Variants in ATP10B observed in about 807,000 individuals in gnomAD.
ATP10B encodes phospholipid-transporting ATPase VB.
ATP10B carries 122 observed loss-of-function variants against 141.2 expected under a neutral mutation model. The observed-to-expected ratio is 0.86, with a 90% CI of 0.75 to 1.00. ATP10B has a LOEUF of 1.00. Among genes scored for constraint, ATP10B ranks in the 50% least tolerant of loss-of-function variants. The probability of loss-of-function intolerance (pLI) is 0.00; values close to 1 mark genes in which losing one functional copy is unlikely to be tolerated. For missense variants in ATP10B, 1,876 were observed against 1,825.3 expected (o/e 1.03, Z -0.51); for synonymous variants, 685 against 692.0 (o/e 0.99, Z 0.16).
chr5:160,855,708 T>A (rs1196287038), upstream of ATP10B, among the ~76,000 whole-genome samples: 12 of 151,906 alleles, frequency 7.9e-5, no homozygotes, highest in African/African-American at 2.7e-4. Flanking sequence ...TCTCTAAAAA[T>A]TTTATAATTT....
rs575239058 is a variant in ATP10B at position 160,790,235 on chromosome 5, C to T, written c.-575-4432G>A. 2.0e-5 allele frequency among the ~76,000 whole-genome samples: 3 copies of T among 152,204 alleles called. No individual in the cohort carries two copies. The East Asian group carries it at 5.8e-4, about 29-fold the overall frequency. On this transcript the variant is annotated intron_variant, in intron 1 of 25. Transcript: ENST00000327245. Reference sequence around the variant, plus strand: ...TGAAATTACTGCCTTGGGTATGATACATGTATTTTCCAATCCTATCCTCAA... The same window carrying T: ...TGAAATTACTGCCTTGGGTATGATATATGTATTTTCCAATCCTATCCTCAA...
intron 7 of ATP10B, among the ~76,000 whole-genome samples, chr5:160,663,861 A>C (rs1210537510): frequency 6.6e-6 from 1 of 152,230 alleles, no homozygotes; most frequent in Non-Finnish European, 1.5e-5. Context: ...ATCTGAGCTC[A>C]GTTAACCTAG....
chr5:160,817,395 T>A (rs1773723942), intron 1 of ATP10B, among the ~76,000 whole-genome samples: 1 of 152,114 alleles, frequency 6.6e-6, no homozygotes, highest in South Asian at 2.1e-4. Context: ...TGAACTCCCA[T>A]TCACAATTGC....
At chr5:160,595,964 C>A (rs994271642) in intron 22 of ATP10B, among the ~76,000 whole-genome samples, 5 of 152,086 alleles carry the variant, frequency 3.3e-5, no homozygotes, top group Non-Finnish European at 5.9e-5. Context: ...ACCAGAGGTA[C>A]AAGAAGGAAG....
chr5:160,750,800 T>C (rs1490630263), intron 2 of ATP10B, among the ~76,000 whole-genome samples: 1 of 152,150 alleles, frequency 6.6e-6, no homozygotes, highest in African/African-American at 2.4e-5. Flanking sequence ...CCCTAAGCCC[T>C]CTCAAGCTCC....
intron 1 of ATP10B, among the ~76,000 whole-genome samples, chr5:160,820,118 A>C (rs1202625278): frequency 6.6e-6 from 1 of 150,516 alleles, no homozygotes; most frequent in Admixed American, 6.7e-5. Context: ...AATAAACAAC[A>C]TTGACCAATC....
At chr5:160,658,631 C>A (rs541562996) in intron 7 of ATP10B, among the ~76,000 whole-genome samples, 3 of 152,294 alleles carry the variant, frequency 2.0e-5, no homozygotes, top group East Asian at 3.9e-4. Flanking sequence ...CCAGGCCAGG[C>A]AGTACGTTTC....
At chr5:160,663,396 C>T (rs1036256689) in intron 7 of ATP10B, among the ~76,000 whole-genome samples, 5 of 152,056 alleles carry the variant, frequency 3.3e-5, no homozygotes, top group Admixed American at 2.0e-4. Context: ...ACCCAAATGC[C>T]CAACAATGAT....
chr5:160,603,735 A>C, intron 20 of ATP10B: 1 of 516,464 alleles, frequency 1.9e-6, no homozygotes, highest in Non-Finnish European at 3.5e-6. Flanking sequence ...TAAATGGGAA[A>C]ATTTAGCAGT....
chr5:160,645,391 A>G (rs1760204674), intron 8 of ATP10B, among the ~76,000 whole-genome samples: 2 of 152,176 alleles, frequency 1.3e-5, no homozygotes, highest in African/African-American at 4.8e-5. Flanking sequence ...AGAATGGTAA[A>G]GTAAGGAAGG....
At chr5:160,731,293 A>G (rs1473913453) in intron 2 of ATP10B, among the ~76,000 whole-genome samples, 1 of 152,192 alleles carries the variant, frequency 6.6e-6, no homozygotes, top group Non-Finnish European at 1.5e-5. Context: ...GTCCTGACCC[A>G]ATCTTCTGTC....
chr5:160,702,505 T>C (rs1245637767), intron 3 of ATP10B, among the ~76,000 whole-genome samples: 1 of 152,238 alleles, frequency 6.6e-6, no homozygotes, highest in African/African-American at 2.4e-5. Context: ...GCAATTTCAC[T>C]TGGGATCTCC....
At chr5:160,643,536 G>A (rs564764432) in intron 9 of ATP10B, among the ~76,000 whole-genome samples, 8 of 152,240 alleles carry the variant, frequency 5.3e-5, no homozygotes, top group Non-Finnish European at 7.4e-5. Context: ...TGTGAGAAGC[G>A]CTGCTATTAT....
chr5:160,693,942 A>G (rs1176452454), intron 3 of ATP10B, among the ~76,000 whole-genome samples: 1 of 152,214 alleles, frequency 6.6e-6, no homozygotes, highest in African/African-American at 2.4e-5. Flanking sequence ...CTCCTGGTGT[A>G]GAGTACATGG....
chr5:160,748,647 G>A (rs1257509066), intron 2 of ATP10B, among the ~76,000 whole-genome samples: 1 of 152,172 alleles, frequency 6.6e-6, no homozygotes, highest in African/African-American at 2.4e-5. Flanking sequence ...AAGTGATGCT[G>A]GCTGAGATTT....
intron 1 of ATP10B, among the ~76,000 whole-genome samples, chr5:160,836,829 C>T (rs1045304592): frequency 7.2e-5 from 11 of 152,078 alleles, no homozygotes; most frequent in African/African-American, 2.7e-4. Context: ...AGTCTCTATC[C>T]ATTTTTTCCT....
At chr5:160,880,309 C>A in the ATP10B span, among the ~76,000 whole-genome samples, 595 of 148,382 alleles carry the variant, frequency 4.0e-3, 4 homozygotes, top group African/African-American at 0.014. Context: ...AAGGAAAAAT[C>A]AAATAAATGA....
chr5:160,842,073 G>A (rs940691864), intron 1 of ATP10B, among the ~76,000 whole-genome samples: 2 of 152,126 alleles, frequency 1.3e-5, no homozygotes, highest in African/African-American at 4.8e-5. Context: ...TAGGCCACAG[G>A]CTAGCCATAA....
At position 160,833,164 on chromosome 5, in the gene ATP10B, C is replaced by G. The variant is rs556908498; in HGVS notation, c.-576+18777G>C. Among the ~76,000 whole-genome samples, 3 of 152,208 alleles carry G rather than the reference C, an allele frequency of 2.0e-5. No homozygotes were observed. The East Asian group carries it at 5.8e-4, about 29-fold the overall frequency. On this transcript the variant is annotated intron_variant, in intron 1 of 25. Transcript: ENST00000327245. ...GAAAACTGTTTACAGAACTAGAGAGCAGAGAGAAAATATACTACCTCAAAA... is the reference window on the plus strand; with the variant it reads ...GAAAACTGTTTACAGAACTAGAGAGGAGAGAGAAAATATACTACCTCAAAA...
Sources: gnomAD v4.1 joint callset for allele counts (sites outside exome capture counted in the v4.1 genomes callset) on GRCh38, gnomAD v4.1.1 for gene constraint, MANE v1.5 for transcripts, NCBI Gene and HGNC (gene_info 2026-07-23, HGNC 2026-07-21) for gene names.